The following ARB2A variants were observed in gnomAD, a reference collection of about 807,000 sequenced individuals.
ARB2A encodes cotranscriptional regulator ARB2A.
chr5:94,030,809 G>C, the ARB2A span, among the ~76,000 whole-genome samples: 2 of 152,188 alleles, frequency 1.3e-5, no homozygotes, highest in Non-Finnish European at 2.9e-5. Context: ...ATTAGTTCTT[G>C]AAGGAACTGA....
chr5:93,896,442 G>A, the ARB2A span, among the ~76,000 whole-genome samples: 4 of 152,178 alleles, frequency 2.6e-5, no homozygotes, highest in Non-Finnish European at 4.4e-5. Flanking sequence ...CAGGCCATGT[G>A]TATAAGGTGT....
the ARB2A span, among the ~76,000 whole-genome samples, chr5:93,925,095 G>A: frequency 6.6e-6 from 1 of 151,782 alleles, no homozygotes; most frequent in African/African-American, 2.4e-5. Context: ...AGAACACTTA[G>A]CATTTCCCCC....
At chr5:93,774,026 T>A in the ARB2A span, among the ~76,000 whole-genome samples, 2 of 152,324 alleles carry the variant, frequency 1.3e-5, no homozygotes, top group African/African-American at 4.8e-5. Flanking sequence ...TCCTCTTACC[T>A]TGGCCTCCCA....
the ARB2A span, among the ~76,000 whole-genome samples, chr5:93,823,244 C>T: frequency 6.6e-6 from 1 of 152,136 alleles, no homozygotes; most frequent in Non-Finnish European, 1.5e-5. Context: ...ATCACATTAA[C>T]CATGCTGGCC....
chr5:94,065,973 T>C, the ARB2A span, among the ~76,000 whole-genome samples: 1 of 152,138 alleles, frequency 6.6e-6, no homozygotes. Flanking sequence ...GACCATATGT[T>C]AGGCCACAAA....
the ARB2A span, among the ~76,000 whole-genome samples, chr5:94,072,806 G>A: frequency 6.6e-6 from 1 of 152,122 alleles, no homozygotes; most frequent in African/African-American, 2.4e-5. Flanking sequence ...CAAAAGAGAT[G>A]ACATAACTTT....
the ARB2A span, among the ~76,000 whole-genome samples, chr5:94,086,861 T>C: frequency 2.6e-5 from 4 of 152,176 alleles, no homozygotes; most frequent in Non-Finnish European, 5.9e-5. Context: ...CTGGTGACTA[T>C]GTTTTTACTA....
chr5:93,784,613 A>C, the ARB2A span: 1 of 698,882 alleles, frequency 1.4e-6, no homozygotes, highest in Non-Finnish European at 2.4e-6. Flanking sequence ...AGCAATATGC[A>C]TCTCTGGTTC....
the ARB2A span, among the ~76,000 whole-genome samples, chr5:93,839,767 T>C: frequency 6.6e-6 from 1 of 152,104 alleles, no homozygotes; most frequent in African/African-American, 2.4e-5. Context: ...GTTGTATATG[T>C]CCAGGAATTT....
chr5:93,942,798 T>C, the ARB2A span, among the ~76,000 whole-genome samples: 2 of 152,116 alleles, frequency 1.3e-5, no homozygotes, highest in African/African-American at 4.8e-5. Flanking sequence ...GTTTCTTGCA[T>C]AAACTTCCAG....
At chr5:93,728,604 C>G in the ARB2A span, among the ~76,000 whole-genome samples, 1 of 151,900 alleles carries the variant, frequency 6.6e-6, no homozygotes. Flanking sequence ...GCCAGTGGAT[C>G]TGCTAAACCA....
At chr5:93,662,731 C>A in the ARB2A span, among the ~76,000 whole-genome samples, 16 of 152,178 alleles carry the variant, frequency 1.1e-4, no homozygotes, top group African/African-American at 3.6e-4. Context: ...GTGATGATCA[C>A]TGGGTAGATG....
the ARB2A span, among the ~76,000 whole-genome samples, chr5:93,771,485 C>T: frequency 6.6e-6 from 1 of 151,234 alleles, no homozygotes; most frequent in African/African-American, 2.4e-5. Context: ...AGCTTCTGCA[C>T]AGCAAAAGAA....
At chr5:93,919,327 ATAAT>A in the ARB2A span, among the ~76,000 whole-genome samples, 1 of 152,254 alleles carries the variant, frequency 6.6e-6, no homozygotes, top group East Asian at 1.9e-4. Context: ...GACACTAAAA[ATAAT>A]TTATTTAATT....
the ARB2A span, among the ~76,000 whole-genome samples, chr5:94,040,048 G>A: frequency 6.6e-6 from 1 of 152,140 alleles, no homozygotes; most frequent in African/African-American, 2.4e-5. Flanking sequence ...TAAAAGGCAA[G>A]GACCAACTTT....
At chr5:94,070,599 C>T in the ARB2A span, among the ~76,000 whole-genome samples, 2 of 151,694 alleles carry the variant, frequency 1.3e-5, no homozygotes, top group Non-Finnish European at 2.9e-5. Context: ...TCACATGTAC[C>T]CCATAAGTAT....
chr5:94,055,440 C>T, the ARB2A span, among the ~76,000 whole-genome samples: 40 of 152,144 alleles, frequency 2.6e-4, no homozygotes, highest in Non-Finnish European at 5.0e-4. Context: ...TCACTAGCCT[C>T]TCTCTGTAGA....
At chr5:94,014,237 C>A in the ARB2A span, among the ~76,000 whole-genome samples, 1 of 152,142 alleles carries the variant, frequency 6.6e-6, no homozygotes, top group Non-Finnish European at 1.5e-5. Context: ...TGGGCACAAA[C>A]CATTAGCTAG....
the ARB2A span, among the ~76,000 whole-genome samples, chr5:93,943,186 C>T: frequency 6.6e-6 from 1 of 152,072 alleles, no homozygotes; most frequent in East Asian, 1.9e-4. Context: ...GAAGATATTA[C>T]TAACCTGCCA....
Sources: allele counts gnomAD v4.1 joint callset (sites outside exome capture counted in the v4.1 genomes callset), GRCh38; gene constraint gnomAD v4.1.1; transcripts MANE v1.5; gene names NCBI Gene and HGNC (gene_info 2026-07-23, HGNC 2026-07-21).